Variants in GDF6 observed in about 807,000 individuals in gnomAD.
GDF6 encodes growth/differentiation factor 6.
Under a neutral mutation model 32.4 loss-of-function variants are expected in GDF6, and 3 were observed. That is an observed-to-expected ratio of 0.09 (90% CI 0.04 to 0.24). The LOEUF is 0.24. Ranked by LOEUF, GDF6 falls within the 10% of genes least tolerant of loss-of-function variation. The probability of loss-of-function intolerance (pLI) is 1.00; values close to 1 mark genes in which losing one functional copy is unlikely to be tolerated. For synonymous variants in GDF6, 296 were observed against 295.3 expected, an observed-to-expected ratio of 1.00 and a Z score of -0.03; for missense variants, 589 against 637.9, an observed-to-expected ratio of 0.92 and a Z score of 0.83.
Position 96,144,477 on chromosome 8 carries a change from C to A in GDF6, c.*86G>T. ...CAGCCTCCCCCAGCGCCAGCTTCCT[C>A]CTCCGCCTCTCTGCAGCCAGGCCTC... On this transcript the variant is annotated 3_prime_UTR_variant, in exon 2 of 2. Coordinates refer to ENST00000287020, the MANE Select transcript of GDF6 (RefSeq NM_001001557.4). This position sits in a 1 kb window ranked among gnomAD's most constrained non-coding sequence, Gnocchi z 5.1. 6.6e-7 allele frequency: 1 copy of A among 1,520,340 alleles called. No homozygotes were observed. Among genetic ancestry groups the A allele is most frequent in the Non-Finnish European group, 8.9e-7 (1 of 1,125,280 alleles). The allele number at this position is 1,520,340 out of a possible 1,614,324, so 94.2% of individuals were successfully genotyped here.
intron 1 of GDF6, among the ~76,000 whole-genome samples, chr8:96,157,255 A>T (rs1214902982): frequency 6.6e-6 from 1 of 151,562 alleles, no homozygotes; most frequent in East Asian, 1.9e-4. Context: ...CTCCTGGAGG[A>T]TAGGGAGAAG....
intron 1 of GDF6, among the ~76,000 whole-genome samples, chr8:96,150,424 TTTCCC>T (rs750387558): frequency 3.9e-5 from 6 of 152,210 alleles, no homozygotes; most frequent in Non-Finnish European, 8.8e-5. Context: ...TCTAGGCGCC[TTTCCC>T]TTACCCCCTC....
intron 1 of GDF6, among the ~76,000 whole-genome samples, chr8:96,155,467 C>T (rs990543084): frequency 1.3e-5 from 2 of 152,210 alleles, no homozygotes; most frequent in African/African-American, 4.8e-5. Context: ...AAACAAACTT[C>T]CAATTTAAGG....
intron 1 of GDF6, among the ~76,000 whole-genome samples, chr8:96,146,338 G>C (rs1458524006): frequency 8.7e-6 from 1 of 114,360 alleles, no homozygotes; most frequent in African/African-American, 3.6e-5. Context: ...TTTATTGTTT[G>C]CTTTTTTTTT....
At chr8:96,156,183 T>G (rs1018834511) in intron 1 of GDF6, among the ~76,000 whole-genome samples, 5 of 152,198 alleles carry the variant, frequency 3.3e-5, no homozygotes, top group African/African-American at 1.2e-4. Flanking sequence ...AGAATATTAT[T>G]ACAACAAGAA....
At chr8:96,150,602 G>C (rs1288491619) in intron 1 of GDF6, among the ~76,000 whole-genome samples, 1 of 152,246 alleles carries the variant, frequency 6.6e-6, no homozygotes, top group Non-Finnish European at 1.5e-5. Context: ...AAAGCTCTAA[G>C]AGGTATCTTG....
Position 96,144,270 on chromosome 8 carries a change from G to GAGAC in GDF6, c.*292_*293insGTCT, listed in dbSNP as rs2130203164. 2.2e-6 allele frequency: 1 copy of GAGAC among 456,164 alleles called. No individual in the cohort carries two copies. The highest frequency in any genetic ancestry group is 4.2e-5 in the East Asian group (1 of 23,586). The allele number at this position is 456,164 out of a possible 1,614,324, so 28.3% of individuals were successfully genotyped here. On this transcript the variant is annotated 3_prime_UTR_variant, in exon 2 of 2. Transcript: ENST00000287020. The surrounding 1 kb of genome is among the most constrained non-coding windows in gnomAD (Gnocchi z 5.1). ...AGAGAGAGAGAGAGAGAGAGAGAGAGAGAGAGAGAGAGAGAGAGAGAAAAC... is the reference window on the plus strand; with the variant it reads ...AGAGAGAGAGAGAGAGAGAGAGAGAGAGACAGAGAGAGAGAGAGAGAGAGAAAAC...
At chr8:96,155,389 G>T (rs905407169) in intron 1 of GDF6, among the ~76,000 whole-genome samples, 11 of 152,242 alleles carry the variant, frequency 7.2e-5, no homozygotes, top group African/African-American at 2.7e-4. Flanking sequence ...ATGTTTAACA[G>T]CAAGTCAGTG....
rs1812431551 is a variant in GDF6, at chr8:96,144,431, T to G, written c.*132A>C. 8 of 1,092,696 alleles carry G rather than the reference T, an allele frequency of 7.3e-6. No individual in the cohort carries two copies. The highest frequency in any genetic ancestry group is 1.0e-5 in the Non-Finnish European group (8 of 763,150). 67.7% of individuals were successfully genotyped at this position (1,092,696 alleles called of 1,614,324 possible). The stretch of plus-strand genomic sequence containing the variant: ...CCCTTCTCTCCCACCGGCTCTCACA[T>G]CCAGGCTGTTCCCTCACCCTCAGCC... On this transcript the variant is annotated 3_prime_UTR_variant, in exon 2 of 2. Transcript: ENST00000287020. This position sits in a 1 kb window ranked among gnomAD's most constrained non-coding sequence, Gnocchi z 5.1.
At position 96,160,401 on chromosome 8, in the gene GDF6, T is replaced by C; in HGVS notation, c.292A>G (p.Met98Val). 1 of 1,614,148 alleles carries C rather than the reference T, an allele frequency of 6.2e-7. No homozygotes were observed. The highest frequency in any genetic ancestry group is 1.1e-5 in the South Asian group (1 of 91,092). The change falls in exon 1 of 2, where the codon ATG (methionine) becomes GTG (valine). Residue 98 changes from methionine (M) to valine (V), a missense_variant. Met to Val is a conservative substitution (Grantham distance 21). This residue lies in a region of GDF6 where 436 missense variants were observed against 411.2 expected (regional missense o/e 1.06). Transcript: ENST00000287020. ...GAGTAAGTCCTGTAGATTGACAGCA[T>C]GTACTCGTGGGGCACCACGCGCGGA... ...RGPRVVPHEY[M>V]LSIYRTYSIA...
In GDF6 at chr8:96,145,041, A is replaced by G; in HGVS notation, c.890T>C (p.Leu297Pro). ...CGGGCCCGCAGCCTCGGCCGAGCCC[A>G]GCTGCTCGCGCATCTCTGCGAACAG... Reference protein sequence around the residue: ...KNLFAEMREQLGSAEAAGPGA... With the variant: ...KNLFAEMREQPGSAEAAGPGA... Residue 297 changes from leucine (L) to proline (P), a missense_variant, in exon 2 of 2, where the codon CTG becomes CCG. By Grantham distance (98) the Leu-to-Pro change is moderately conservative. Coordinates refer to ENST00000287020, the MANE Select transcript of GDF6 (RefSeq NM_001001557.4). This position sits in a 1 kb window ranked among gnomAD's most constrained non-coding sequence, Gnocchi z 5.6. The G allele has an allele frequency of 6.8e-7, 1 of 1,469,198 alleles. No individual in the cohort carries two copies. The highest frequency in any genetic ancestry group is 9.0e-7 in the Non-Finnish European group (1 of 1,115,618). 91.0% of individuals were successfully genotyped at this position (1,469,198 alleles called of 1,614,324 possible). A position where few individuals can be genotyped will look rare whatever the true frequency, so the allele number is the denominator to read the frequency against.
Position 96,144,514 on chromosome 8 carries a change from G to T in GDF6, c.*49C>A. 1.2e-6 allele frequency: 2 copies of T among 1,601,788 alleles called. No homozygotes were observed. The highest frequency in any genetic ancestry group is 1.1e-5 in the South Asian group (1 of 89,204). ...TGCAGCCAGGCCTCCCCTGCAAGGC[G>T]GACCTTGGCCCACCTTGGTTCCGGG... is the stretch of plus-strand genomic sequence containing the variant. On this transcript the variant is annotated 3_prime_UTR_variant, in exon 2 of 2. Transcript: ENST00000287020. The surrounding 1 kb of genome is among the most constrained non-coding windows in gnomAD (Gnocchi z 5.1).
rs1281961796 is a variant in GDF6, at chr8:96,145,309, G to A, written c.622C>T (p.Pro208Ser). 1 of 1,531,696 alleles carries A rather than the reference G, an allele frequency of 6.5e-7. No homozygotes were observed. The allele number at this position is 1,531,696 out of a possible 1,614,324, so 94.9% of individuals were successfully genotyped here. A position where few individuals can be genotyped will look rare whatever the true frequency, so the allele number is the denominator to read the frequency against. The change falls in exon 2 of 2, where the codon CCG becomes TCG. Residue 208 changes from proline (P) to serine (S), a missense_variant. Coordinates refer to ENST00000287020, the MANE Select transcript of GDF6 (RefSeq NM_001001557.4). This position sits in a 1 kb window ranked among gnomAD's most constrained non-coding sequence, Gnocchi z 5.6. ...DARTLDPQGAPPAGWEVFDVW... is the reference protein window; with the variant it reads ...DARTLDPQGASPAGWEVFDVW... Reference sequence around the variant, plus strand: ...TCGAAGACTTCCCAGCCGGCCGGCGGCGCCCCCTGCGGGTCCAGGGTCCGC... The same window carrying A: ...TCGAAGACTTCCCAGCCGGCCGGCGACGCCCCCTGCGGGTCCAGGGTCCGC...
intron 1 of GDF6, among the ~76,000 whole-genome samples, chr8:96,146,403 G>A (rs1008420461): frequency 1.3e-5 from 2 of 151,946 alleles, no homozygotes; most frequent in African/African-American, 4.8e-5. Context: ...TCACTAGTCT[G>A]GGGTAACATT....
intron 1 of GDF6, among the ~76,000 whole-genome samples, chr8:96,150,748 G>A (rs1033574913): frequency 6.6e-6 from 1 of 152,258 alleles, no homozygotes; most frequent in Non-Finnish European, 1.5e-5. Context: ...CTGCAGCCAT[G>A]CTGCTCTACC....
At chr8:96,160,160 T>C in intron 1 of GDF6, 127 bp downstream of exon 1, 1 of 1,020,568 alleles carries the variant, frequency 9.8e-7, no homozygotes, top group Middle Eastern at 2.5e-4. Flanking sequence ...GAAAAACAAT[T>C]TAAGAAAAGT....
rs1385086453 is a variant in GDF6, at chr8:96,144,258, G to GAGAGAGAGAC, written c.*304_*305insGTCTCTCTCT. On this transcript the variant is annotated 3_prime_UTR_variant, in exon 2 of 2. Transcript: ENST00000287020. The surrounding 1 kb of genome is among the most constrained non-coding windows in gnomAD (Gnocchi z 5.1). Reference sequence around the variant, plus strand: ...AGCCACAGTAATAGAGAGAGAGAGAGAGAGAGAGAGAGAGAGAGAGAGAGA... The same window carrying GAGAGAGAGAC: ...AGCCACAGTAATAGAGAGAGAGAGAGAGAGAGAGACAGAGAGAGAGAGAGAGAGAGAGAGA... 1.9e-4 allele frequency: 79 copies of GAGAGAGAGAC among 407,136 alleles called. No individual in the cohort carries two copies. The highest frequency in any genetic ancestry group is 1.5e-3 in the African/African-American group (66 of 42,686). The allele number at this position is 407,136 out of a possible 1,614,324, so 25.2% of individuals were successfully genotyped here. A position where few individuals can be genotyped will look rare whatever the true frequency, so the allele number is the denominator to read the frequency against.
At chr8:96,158,026 G>T (rs1373418894) in intron 1 of GDF6, among the ~76,000 whole-genome samples, 2 of 152,292 alleles carry the variant, frequency 1.3e-5, no homozygotes, top group South Asian at 2.1e-4. Context: ...AAGCCGCACC[G>T]CCTTCCCAGT....
At chr8:96,155,702 G>A (rs746406737) in intron 1 of GDF6, among the ~76,000 whole-genome samples, 29 of 152,304 alleles carry the variant, frequency 1.9e-4, no homozygotes, top group East Asian at 1.4e-3. Context: ...TCATTTGGCC[G>A]TCTGGTCTGC....
Sources: allele counts gnomAD v4.1 joint callset (sites outside exome capture counted in the v4.1 genomes callset), GRCh38; gene constraint gnomAD v4.1.1; regional missense constraint gnomAD v4.1.1; non-coding constraint Gnocchi (gnomAD v3.1); transcripts MANE v1.5; gene names NCBI Gene and HGNC (gene_info 2026-07-23, HGNC 2026-07-21).